ASIC2: variants seen among roughly 807,000 people sequenced by gnomAD.
The protein encoded by ASIC2 is acid sensing ion channel subunit 2.
ASIC2 carries 25 observed loss-of-function variants against 57.3 expected under a neutral mutation model. That is an observed-to-expected ratio of 0.44 (90% CI 0.32 to 0.61). The LOEUF is 0.61. Ranked by LOEUF, ASIC2 falls within the 20% of genes least tolerant of loss-of-function variation. The pLI is 0.06. For missense variants in ASIC2, 641 were observed against 738.1 expected, an observed-to-expected ratio of 0.87 and a Z score of 1.52; for synonymous variants, 319 against 307.5, an observed-to-expected ratio of 1.04 and a Z score of -0.39.
chr17:33,525,331 A>G (rs1914856906), intron 1 of ASIC2, among the ~76,000 whole-genome samples: 1 of 151,988 alleles, frequency 6.6e-6, no homozygotes, highest in African/African-American at 2.4e-5. Flanking sequence ...TAGCTCACAT[A>G]TCTTGTCGCT....
chr17:33,159,991 G>A (rs1297481479), intron 1 of ASIC2, among the ~76,000 whole-genome samples: 3 of 151,958 alleles, frequency 2.0e-5, no homozygotes, highest in South Asian at 2.1e-4. Flanking sequence ...GGAGGATCGC[G>A]TGAGCTCAGA....
intron 1 of ASIC2, among the ~76,000 whole-genome samples, chr17:33,269,759 C>CTTCCTTCCTTCCTTCCTTCCTTCCTTCT (rs1431457332): frequency 7.2e-4 from 105 of 145,242 alleles, no homozygotes; most frequent in African/African-American, 2.7e-3. Context: ...TCTTTCCTTC[C>CTTCCTTCCTTCCTTCCTTCCTTCCTTCT]TTCCTTCCTT....
At chr17:33,513,802 C>A (rs1290298231) in intron 1 of ASIC2, among the ~76,000 whole-genome samples, 2 of 152,234 alleles carry the variant, frequency 1.3e-5, no homozygotes, top group East Asian at 1.9e-4. Flanking sequence ...AAGGCGGCAC[C>A]TTCCCAGAAG....
chr17:33,224,677 G>T (rs778488626), intron 1 of ASIC2, among the ~76,000 whole-genome samples: 1 of 152,202 alleles, frequency 6.6e-6, no homozygotes, highest in African/African-American at 2.4e-5. Flanking sequence ...AGGAGAAAAT[G>T]GACGCACACC....
intron 1 of ASIC2, chr17:33,955,381 G>T (rs1254136330): frequency 6.6e-6 from 1 of 152,152 alleles, no homozygotes; most frequent in Non-Finnish European, 1.5e-5. Flanking sequence ...TTAACATTAG[G>T]TTGTGCTAAT....
intron 1 of ASIC2, among the ~76,000 whole-genome samples, chr17:33,782,580 TTA>T (rs1911487622): frequency 6.6e-6 from 1 of 152,034 alleles, no homozygotes; most frequent in Admixed American, 6.5e-5. Flanking sequence ...ACACAAAAAA[TTA>T]GCTGGGCTTG....
chr17:33,097,238 T>C (rs2092185485), intron 2 of ASIC2, among the ~76,000 whole-genome samples: 1 of 152,224 alleles, frequency 6.6e-6, no homozygotes, highest in African/African-American at 2.4e-5. Context: ...CCCCTCTGGG[T>C]CATGGCGAAA....
intron 1 of ASIC2, among the ~76,000 whole-genome samples, chr17:33,740,018 GAGAA>G (rs1384200725): frequency 2.7e-5 from 4 of 150,396 alleles, no homozygotes; most frequent in Admixed American, 6.6e-5. Context: ...GAAAGAGAGA[GAGAA>G]AGAAAGAAAA....
chr17:33,765,115 T>G (rs1461969198), intron 1 of ASIC2, among the ~76,000 whole-genome samples: 2 of 151,732 alleles, frequency 1.3e-5, no homozygotes, highest in Non-Finnish European at 2.9e-5. Context: ...TGTTTTTTGT[T>G]TTTTTTTTGA....
At chr17:33,029,777 A>T (rs2091874072) in intron 3 of ASIC2, among the ~76,000 whole-genome samples, 1 of 152,218 alleles carries the variant, frequency 6.6e-6, no homozygotes, top group South Asian at 2.1e-4. Flanking sequence ...TCATTACTCT[A>T]CATCCATGCC....
At chr17:33,097,947 A>G (rs1041481342) in intron 2 of ASIC2, among the ~76,000 whole-genome samples, 3 of 152,210 alleles carry the variant, frequency 2.0e-5, no homozygotes, top group African/African-American at 7.2e-5. Context: ...AAGTGCATCA[A>G]GGAAAACACG....
At position 33,481,318 on chromosome 17, in the gene ASIC2, C is replaced by T. The variant is rs192993816; in HGVS notation, c.556-369251G>A. Among the ~76,000 whole-genome samples the T allele has an allele frequency of 3.9e-5, 6 of 152,348 alleles. No individual in the cohort carries two copies. The East Asian group carries it at 9.7e-4, about 25-fold the overall frequency. ...CAAATCTTCACAACTCTCTTCTAAA[C>T]TTCTCTCTTCCTGTCCTCCCACCTG... On this transcript the variant is annotated intron_variant, in intron 1 of 9. Coordinates refer to the ASIC2 transcript ENST00000359872.
Position 33,767,063 on chromosome 17 carries a change from A to C in ASIC2, c.555+388915T>G, listed in dbSNP as rs562726619. Among the ~76,000 whole-genome samples the C allele has an allele frequency of 3.9e-5, 6 of 152,360 alleles. No individual in the cohort carries two copies. In the East Asian group the frequency reaches 1.2e-3, roughly 29 times the overall value. ...GCACAGAGTTTTCCATTTGTAAAGC[A>C]TCTTGGTAGCAGATCAGTGTGTGCG... is the stretch of plus-strand genomic sequence containing the variant. On this transcript the variant is annotated intron_variant, in intron 1 of 9. Coordinates refer to the ASIC2 transcript ENST00000359872.
intron 1 of ASIC2, among the ~76,000 whole-genome samples, chr17:33,268,994 G>C (rs1293826960): frequency 6.6e-6 from 1 of 151,670 alleles, no homozygotes; most frequent in Non-Finnish European, 1.5e-5. Context: ...AGAAGGAGGG[G>C]GTTGGATGAG....
intron 1 of ASIC2, among the ~76,000 whole-genome samples, chr17:33,699,180 G>T (rs111650893): frequency 6.6e-6 from 1 of 152,122 alleles, no homozygotes; most frequent in African/African-American, 2.4e-5. Flanking sequence ...TCCTCACAAG[G>T]ACTCCATGAG....
intron 1 of ASIC2, among the ~76,000 whole-genome samples, chr17:33,656,489 C>T (rs1390121179): frequency 6.6e-6 from 1 of 152,190 alleles, no homozygotes; most frequent in African/African-American, 2.4e-5. Flanking sequence ...AGCATGTCTG[C>T]CAGGGTCCCC....
intron 1 of ASIC2, among the ~76,000 whole-genome samples, chr17:33,607,791 A>G (rs894198912): frequency 1.3e-5 from 2 of 152,158 alleles, no homozygotes; most frequent in Non-Finnish European, 2.9e-5. Flanking sequence ...GCTGAGAATG[A>G]GGCTACCTGT....
intron 1 of ASIC2, among the ~76,000 whole-genome samples, chr17:34,114,298 C>G (rs2142113708): frequency 6.6e-6 from 1 of 152,256 alleles, no homozygotes. Flanking sequence ...ACTCTTGGCT[C>G]ATAGCAAAGG....
chr17:33,369,398 T>G (rs1295796766), intron 1 of ASIC2, among the ~76,000 whole-genome samples: 1 of 152,244 alleles, frequency 6.6e-6, no homozygotes, highest in Non-Finnish European at 1.5e-5. Flanking sequence ...GTCCTTGCTC[T>G]TCTCTTACTT....
Sources: allele counts gnomAD v4.1 joint callset (sites outside exome capture counted in the v4.1 genomes callset), GRCh38; gene constraint gnomAD v4.1.1; transcripts MANE v1.5; gene names NCBI Gene and HGNC (gene_info 2026-07-23, HGNC 2026-07-21).